The following ADARB2 variants were observed in gnomAD, a reference collection of about 807,000 sequenced individuals.
ADARB2 encodes adenosine deaminase RNA specific B2 (inactive), also known as inactive double-stranded RNA-specific editase B2.
A neutral mutation model predicts 62.2 loss-of-function variants in ADARB2; 25 were observed. The observed-to-expected ratio is 0.40, with a 90% CI of 0.29 to 0.56. The LOEUF (loss-of-function observed/expected upper bound fraction) is 0.56. Ranked by LOEUF, ADARB2 falls within the 20% of genes least tolerant of loss-of-function variation. The pLI is 0.43. For missense variants in ADARB2, 1,071 were observed against 1,077.4 expected (o/e 0.99, Z 0.08); for synonymous variants, 572 against 500.8 (o/e 1.14, Z -1.90).
At chr10:1,632,097 A>C (rs2119045464) in intron 1 of ADARB2, among the ~76,000 whole-genome samples, 1 of 152,348 alleles carries the variant, frequency 6.6e-6, no homozygotes, top group Non-Finnish European at 1.5e-5. Flanking sequence ...CCTTGTTTTT[A>C]GCTAATATTT....
chr10:1,656,173 C>A (rs1043797323), intron 1 of ADARB2, among the ~76,000 whole-genome samples: 1 of 152,214 alleles, frequency 6.6e-6, no homozygotes, highest in Non-Finnish European at 1.5e-5. Context: ...ATAACGTAAT[C>A]TTTTAAAGGT....
At chr10:1,313,805 G>T (rs1831713419) in intron 3 of ADARB2, among the ~76,000 whole-genome samples, 1 of 152,214 alleles carries the variant, frequency 6.6e-6, no homozygotes, top group African/African-American at 2.4e-5. Flanking sequence ...AAACATGCTT[G>T]CATCAACCTT....
intron 1 of ADARB2, among the ~76,000 whole-genome samples, chr10:1,642,781 AC>A (rs1564355890): frequency 6.6e-6 from 1 of 151,888 alleles, no homozygotes; most frequent in South Asian, 2.1e-4. Flanking sequence ...CCTCACTCAC[AC>A]ACCCACTCAC....
At chr10:1,634,360 G>A (rs968619056) in intron 1 of ADARB2, among the ~76,000 whole-genome samples, 1 of 152,212 alleles carries the variant, frequency 6.6e-6, no homozygotes, top group Non-Finnish European at 1.5e-5. Context: ...CTCTCCAGGT[G>A]TCCAGCCTAG....
chr10:1,460,932 C>A (rs56309944), intron 1 of ADARB2, among the ~76,000 whole-genome samples: 37,621 of 125,872 alleles, frequency 0.3, 7,691 homozygotes, highest in Middle Eastern at 0.49. Context: ...ACCTGCGTAA[C>A]AAACCTGCAC....
At chr10:1,636,589 C>CAGTTCATG (rs1833919580) in intron 1 of ADARB2, among the ~76,000 whole-genome samples, 1 of 151,998 alleles carries the variant, frequency 6.6e-6, no homozygotes, top group Admixed American at 6.6e-5. Flanking sequence ...AGAGATACCA[C>CAGTTCATG]AGTTCATGCC....
At chr10:1,466,762 C>T (rs1004335172) in intron 1 of ADARB2, among the ~76,000 whole-genome samples, 11 of 152,220 alleles carry the variant, frequency 7.2e-5, no homozygotes, top group African/African-American at 2.7e-4. Context: ...CTATGGAAGA[C>T]TGTGGCACCT....
intron 1 of ADARB2, among the ~76,000 whole-genome samples, chr10:1,664,493 T>C (rs560432072): frequency 2.6e-4 from 40 of 152,238 alleles, no homozygotes; most frequent in Non-Finnish European, 5.3e-4. Flanking sequence ...AATGCTGCTG[T>C]CACGGCTTCT....
At chr10:1,689,292 C>T (rs1366214968) in intron 1 of ADARB2, among the ~76,000 whole-genome samples, 1 of 152,152 alleles carries the variant, frequency 6.6e-6, no homozygotes, top group Non-Finnish European at 1.5e-5. Flanking sequence ...AAATTAGGCA[C>T]AGGAAGATTG....
intron 1 of ADARB2, among the ~76,000 whole-genome samples, chr10:1,463,454 G>A (rs1831204194): frequency 6.6e-6 from 1 of 152,232 alleles, no homozygotes; most frequent in Non-Finnish European, 1.5e-5. Context: ...CAGCAGGTTT[G>A]ATGCCGTCAG....
chr10:1,581,826 ATGTGTGTGTG>A (rs56180704), intron 1 of ADARB2, among the ~76,000 whole-genome samples: 9,710 of 148,178 alleles, frequency 0.066, 406 homozygotes, highest in African/African-American at 0.1. Flanking sequence ...TTAGAAATAG[ATGTGTGTGTG>A]TGTGTGTGTG....
intron 1 of ADARB2, among the ~76,000 whole-genome samples, chr10:1,435,026 G>A (rs76032664): frequency 5.9e-5 from 9 of 152,214 alleles, no homozygotes; most frequent in Non-Finnish European, 1.3e-4. Flanking sequence ...TCACAGCTTC[G>A]TTGGGGGAAG....
chr10:1,275,045 C>T (rs931322553), intron 3 of ADARB2, among the ~76,000 whole-genome samples: 9 of 152,216 alleles, frequency 5.9e-5, no homozygotes, highest in African/African-American at 2.2e-4. Flanking sequence ...TGTACCCCTG[C>T]CCTAGGCTCC....
At chr10:1,673,463 C>A (rs1461948120) in intron 1 of ADARB2, among the ~76,000 whole-genome samples, 2 of 151,826 alleles carry the variant, frequency 1.3e-5, no homozygotes, top group Non-Finnish European at 1.5e-5. Context: ...GAAGCCCTGT[C>A]GTTGAAACAA....
chr10:1,567,807 T>G (rs1042574455), intron 1 of ADARB2, among the ~76,000 whole-genome samples: 2 of 152,192 alleles, frequency 1.3e-5, no homozygotes, highest in African/African-American at 4.8e-5. Flanking sequence ...GAGCGTTTGT[T>G]GAAGGAATGG....
chr10:1,349,561 T>C (rs1832114393), intron 3 of ADARB2, among the ~76,000 whole-genome samples: 2 of 152,208 alleles, frequency 1.3e-5, no homozygotes, highest in Admixed American at 6.5e-5. Flanking sequence ...TCACCAATTT[T>C]AAATCCAGTA....
At chr10:1,191,245 C>T (rs10903402) in intron 8 of ADARB2, among the ~76,000 whole-genome samples, 30,132 of 152,178 alleles carry the variant, frequency 0.2, 3,677 homozygotes, top group African/African-American at 0.32. Context: ...GCGGGGCTCA[C>T]GGTCCAGGAG....
chr10:1,277,959 T>TTC (rs769743622), intron 3 of ADARB2, among the ~76,000 whole-genome samples: 1 of 80,250 alleles, frequency 1.2e-5, no homozygotes, highest in East Asian at 5.6e-4. Flanking sequence ...CTTCCCCTCT[T>TTC]TCTCTCTCTC....
chr10:1,337,212 T>C (rs895729883), intron 3 of ADARB2, among the ~76,000 whole-genome samples: 1 of 152,102 alleles, frequency 6.6e-6, no homozygotes, highest in Non-Finnish European at 1.5e-5. Context: ...CTTGCCTCCA[T>C]ATTAAATTTT....
Sources: gnomAD v4.1 joint callset for allele counts (sites outside exome capture counted in the v4.1 genomes callset) on GRCh38, gnomAD v4.1.1 for gene constraint, MANE v1.5 for transcripts, NCBI Gene and HGNC (gene_info 2026-07-23, HGNC 2026-07-21) for gene names.